SNCAIP: variants seen among roughly 807,000 people sequenced by gnomAD.
The protein encoded by SNCAIP is synuclein alpha interacting protein.
A neutral mutation model predicts 86.7 loss-of-function variants in SNCAIP; 43 were observed. That is an observed-to-expected ratio of 0.50 (90% CI 0.39 to 0.64). The LOEUF (loss-of-function observed/expected upper bound fraction) is 0.64. Among genes scored for constraint, SNCAIP ranks in the 30% least tolerant of loss-of-function variants. The pLI is 0.00. For missense variants in SNCAIP, 981 were observed against 1,103.1 expected (o/e 0.89, Z 1.57); for synonymous variants, 417 against 427.2 (o/e 0.98, Z 0.29).
intron 3 of SNCAIP, among the ~76,000 whole-genome samples, chr5:122,419,650 A>T (rs1775990023): frequency 6.6e-6 from 1 of 152,224 alleles, no homozygotes; most frequent in East Asian, 1.9e-4. Flanking sequence ...AACTTGTACA[A>T]ATCTAAAATA....
At chr5:122,411,245 A>G (rs1306837540) in intron 3 of SNCAIP, among the ~76,000 whole-genome samples, 2 of 152,322 alleles carry the variant, frequency 1.3e-5, no homozygotes, top group East Asian at 3.9e-4. Context: ...ACATAGGGAC[A>G]AGGACAAATG....
At chr5:122,335,604 T>C (rs983668438) in intron 1 of SNCAIP, among the ~76,000 whole-genome samples, 2 of 152,164 alleles carry the variant, frequency 1.3e-5, no homozygotes, top group Admixed American at 6.5e-5. Context: ...GGAAGCTTAG[T>C]AGGGACTGCT....
intron 1 of SNCAIP, among the ~76,000 whole-genome samples, chr5:122,364,407 G>A (rs1247322532): frequency 1.3e-5 from 2 of 152,030 alleles, no homozygotes; most frequent in African/African-American, 4.8e-5. Flanking sequence ...CCTCTCTTGG[G>A]GTCTGGATCA....
At position 122,451,566 on chromosome 5, in the gene SNCAIP, C is replaced by G. The variant is rs1476752832; in HGVS notation, c.2719C>G (p.Pro907Ala). 1 of 1,613,210 alleles carries G rather than the reference C, an allele frequency of 6.2e-7. No individual in the cohort carries two copies. The highest frequency in any genetic ancestry group is 1.7e-5 in the Admixed American group (1 of 59,992). Residue 907 changes from proline (P) to alanine (A), a missense_variant, in exon 10 of 11, where the codon CCT (proline) becomes GCT (alanine). Pro to Ala is a conservative substitution (Grantham distance 27). Transcript: ENST00000261368. ...LGRKTDAKGN[P>A]ASSASKGKNK... Reference sequence around the variant, plus strand: ...GAGGAAGACAGATGCCAAGGGAAACCCTGCCAGCTCCGCTAGCAAAGGAAA... The same window carrying G: ...GAGGAAGACAGATGCCAAGGGAAACGCTGCCAGCTCCGCTAGCAAAGGAAA...
At chr5:122,435,580 G>A (rs887420206) in intron 6 of SNCAIP, among the ~76,000 whole-genome samples, 1 of 152,082 alleles carries the variant, frequency 6.6e-6, no homozygotes, top group Non-Finnish European at 1.5e-5. Context: ...CTGCATCATG[G>A]CATTGAACAT....
At chr5:122,411,066 T>C (rs369670409) in intron 3 of SNCAIP, among the ~76,000 whole-genome samples, 59 of 152,298 alleles carry the variant, frequency 3.9e-4, no homozygotes, top group African/African-American at 1.4e-3. Context: ...TCCTGTGTTT[T>C]GGTTTATTTT....
At chr5:122,420,674 A>C (rs922412934) in intron 3 of SNCAIP, among the ~76,000 whole-genome samples, 1 of 152,182 alleles carries the variant, frequency 6.6e-6, no homozygotes, top group Non-Finnish European at 1.5e-5. Flanking sequence ...TATGTCCACT[A>C]TCTGCTGTTT....
chr5:122,340,435 G>A (rs1757330435), intron 1 of SNCAIP, among the ~76,000 whole-genome samples: 1 of 152,088 alleles, frequency 6.6e-6, no homozygotes, highest in African/African-American at 2.4e-5. Context: ...GTTGGGAATG[G>A]GAATAAGTAG....
chr5:122,443,063 C>G (rs986917254), intron 7 of SNCAIP, among the ~76,000 whole-genome samples: 1 of 152,108 alleles, frequency 6.6e-6, no homozygotes, highest in Admixed American at 6.5e-5. Flanking sequence ...TTCAAGAGCC[C>G]TGAGAGCTCA....
At chr5:122,401,167 G>C in intron 2 of SNCAIP, 1 of 1,531,762 alleles carries the variant, frequency 6.5e-7, no homozygotes, top group Non-Finnish European at 8.8e-7. Context: ...AAGGCCATCT[G>C]TCCTGTGAAC....
At position 122,403,968 on chromosome 5, in the gene SNCAIP, T is replaced by C. The variant is rs140850034; in HGVS notation, c.130+103T>C. The C allele has an allele frequency of 3.4e-4, 294 of 872,030 alleles. 2 individuals are homozygous for C. In the East Asian group the frequency reaches 7.4e-3, roughly 22 times the overall value. 54.0% of individuals were successfully genotyped at this position (872,030 alleles called of 1,614,324 possible). A position where few individuals can be genotyped will look rare whatever the true frequency, so the allele number is the denominator to read the frequency against. The stretch of plus-strand genomic sequence containing the variant: ...TGGTCCCCCCTGCTTTCAGTTTTCT[T>C]TTCTCTTTACGGCTTCTCCACTCAC... On this transcript the variant is annotated intron_variant, in intron 3 of 10. Transcript: ENST00000261368.
chr5:122,338,767 G>A (rs1756994497), intron 1 of SNCAIP, among the ~76,000 whole-genome samples: 1 of 152,136 alleles, frequency 6.6e-6, no homozygotes, highest in Non-Finnish European at 1.5e-5. Context: ...TGTCATTCAT[G>A]TCTGTTTGCC....
chr5:122,347,733 C>T (rs1758898075), intron 1 of SNCAIP, among the ~76,000 whole-genome samples: 1 of 151,894 alleles, frequency 6.6e-6, no homozygotes, highest in African/African-American at 2.4e-5. Context: ...ATAATGGACA[C>T]CTTATTCAAA....
chr5:122,381,316 G>C, intron 1 of SNCAIP, among the ~76,000 whole-genome samples: 1 of 143,786 alleles, frequency 7.0e-6, no homozygotes, highest in East Asian at 2.0e-4. Context: ...TGTCTCTTTT[G>C]ATCTTTGTTG....
intron 1 of SNCAIP, chr5:122,336,885 GA>G (rs1756579469): frequency 6.6e-6 from 1 of 152,382 alleles, no homozygotes; most frequent in African/African-American, 2.4e-5. Flanking sequence ...TTACAGGTGT[GA>G]GCCACCACAC....
intron 1 of SNCAIP, among the ~76,000 whole-genome samples, chr5:122,353,461 C>T (rs1288776389): frequency 2.8e-5 from 4 of 144,294 alleles, no homozygotes; most frequent in African/African-American, 1.0e-4. Context: ...AAAAAGACAA[C>T]TGCTGTAGTT....
intron 1 of SNCAIP, among the ~76,000 whole-genome samples, chr5:122,347,575 A>G (rs908387992): frequency 5.9e-5 from 9 of 151,998 alleles, no homozygotes; most frequent in African/African-American, 1.9e-4. Context: ...AAAGTCATTG[A>G]CACTTCCACC....
At chr5:122,343,647 C>G (rs530193256) in intron 1 of SNCAIP, among the ~76,000 whole-genome samples, 100 of 152,328 alleles carry the variant, frequency 6.6e-4, no homozygotes, top group Non-Finnish European at 1.2e-3. Context: ...ACCTCAATCG[C>G]TATGGCAGGG....
In SNCAIP at chr5:122,385,969, AGAGTGAGGC is replaced by A. The variant is rs1768050296; in HGVS notation, c.-46-5119_-46-5111del. Among the ~76,000 whole-genome samples the A allele has an allele frequency of 2.0e-5, 3 of 152,186 alleles. No homozygotes were observed. The South Asian group carries it at 6.2e-4, about 31-fold the overall frequency. ...AGTCCAAGCTGACTCCTTGTAAAATAGAGTGAGGCAATACATTTTTAAAAATTTTTCAGT... is the reference window on the plus strand; with the variant it reads ...AGTCCAAGCTGACTCCTTGTAAAATAAATACATTTTTAAAAATTTTTCAGT... On this transcript the variant is annotated intron_variant, in intron 1 of 10. Coordinates refer to ENST00000261368, the MANE Select transcript of SNCAIP (RefSeq NM_005460.4).
Sources: gnomAD v4.1 joint callset for allele counts (sites outside exome capture counted in the v4.1 genomes callset) on GRCh38, gnomAD v4.1.1 for gene constraint, MANE v1.5 for transcripts, NCBI Gene and HGNC (gene_info 2026-07-23, HGNC 2026-07-21) for gene names.